Variants in PCDHAC1 observed in about 807,000 individuals in gnomAD.
PCDHAC1 encodes protocadherin alpha-C1.
A neutral mutation model predicts 60.0 loss-of-function variants in PCDHAC1; 42 were observed. The ratio of observed to expected loss-of-function variants is 0.70; its 90% CI spans 0.55 to 0.90. The LOEUF (loss-of-function observed/expected upper bound fraction) is 0.90, where lower values mean the gene tolerates loss of function less well. Ranked by LOEUF, PCDHAC1 falls within the 40% of genes least tolerant of loss-of-function variation. The pLI, the probability that PCDHAC1 is intolerant of heterozygous loss-of-function variation, is 0.00. For missense variants in PCDHAC1, 1,160 were observed against 1,222.3 expected (o/e 0.95, Z 0.76); for synonymous variants, 468 against 499.3 (o/e 0.94, Z 0.84).
At chr5:140,938,427 T>G (rs992312670) in intron 1 of PCDHAC1, among the ~76,000 whole-genome samples, 3 of 152,206 alleles carry the variant, frequency 2.0e-5, no homozygotes, top group African/African-American at 7.2e-5. Flanking sequence ...GCAAAAATCC[T>G]TTATCAGATT....
chr5:140,951,252 A>AT (rs1488592252), intron 1 of PCDHAC1, among the ~76,000 whole-genome samples: 16 of 151,738 alleles, frequency 1.1e-4, no homozygotes, highest in Admixed American at 1.1e-3. Context: ...AATGCATCAC[A>AT]TTTTTCTGGT....
In PCDHAC1 at chr5:140,928,770, C is replaced by A; in HGVS notation, c.1878C>A (p.Pro626=). Residue 626 remains proline, a synonymous_variant, in exon 1 of 4, where the codon CCC becomes CCA. Coordinates refer to ENST00000253807, the MANE Select transcript of PCDHAC1 (RefSeq NM_018898.5). ...GELRTARLVL[P]TDAVKQRVVV... is the part of the protein sequence containing the mutation. The stretch of plus-strand genomic sequence containing the variant: ...TCCGTACTGCTCGCTTAGTTCTTCC[C>A]ACTGATGCAGTTAAGCAGAGGGTGG... 4 of 1,614,106 alleles carry A rather than the reference C, an allele frequency of 2.5e-6. No individual in the cohort carries two copies. Among genetic ancestry groups the A allele is most frequent in the Non-Finnish European group, 2.5e-6 (3 of 1,180,024 alleles).
intron 1 of PCDHAC1, among the ~76,000 whole-genome samples, chr5:140,974,046 GATA>G (rs1554235775): frequency 6.6e-6 from 1 of 152,184 alleles, no homozygotes; most frequent in African/African-American, 2.4e-5. Context: ...TTATTAATAT[GATA>G]ATATTTGGAG....
chr5:140,962,939 C>CA (rs2095722674), intron 1 of PCDHAC1, among the ~76,000 whole-genome samples: 1 of 152,134 alleles, frequency 6.6e-6, no homozygotes, highest in African/African-American at 2.4e-5. Context: ...ACCTCCTCTC[C>CA]ATAAGATATG....
rs782264875 is a variant in PCDHAC1, at chr5:140,928,422, A to T, written c.1530A>T (p.Lys510Asn). ...VESSSGAITA[K>N]TSFDFEQLRG... ...CATCCAGTGGGGCCATCACTGCCAAAACTTCCTTTGACTTTGAGCAGCTCA... is the reference window on the plus strand; with the variant it reads ...CATCCAGTGGGGCCATCACTGCCAATACTTCCTTTGACTTTGAGCAGCTCA... Residue 510 changes from lysine (K) to asparagine (N), a missense_variant, in exon 1 of 4, where the codon AAA becomes AAT. By Grantham distance (94) the Lys-to-Asn change is moderately conservative. Coordinates refer to ENST00000253807, the MANE Select transcript of PCDHAC1 (RefSeq NM_018898.5). 1.2e-6 allele frequency: 2 copies of T among 1,614,136 alleles called. No individual in the cohort carries two copies. Among genetic ancestry groups the T allele is most frequent in the Admixed American group, 3.3e-5 (2 of 60,018 alleles).
chr5:140,998,836 T>C (rs1388208720), intron 3 of PCDHAC1, among the ~76,000 whole-genome samples: 2 of 152,254 alleles, frequency 1.3e-5, no homozygotes, highest in Non-Finnish European at 2.9e-5. Context: ...AGTGCTGGAT[T>C]ACTGGTGTGA....
At chr5:140,952,515 C>G (rs2094758109) in intron 1 of PCDHAC1, among the ~76,000 whole-genome samples, 1 of 152,132 alleles carries the variant, frequency 6.6e-6, no homozygotes, top group Non-Finnish European at 1.5e-5. Context: ...TCATCTCCAT[C>G]TGAGACCTCC....
intron 3 of PCDHAC1, among the ~76,000 whole-genome samples, chr5:141,001,849 T>G (rs889682000): frequency 6.6e-6 from 1 of 151,820 alleles, no homozygotes; most frequent in Non-Finnish European, 1.5e-5. Context: ...GAGAGAGAGG[T>G]TGATTAAATT....
intron 1 of PCDHAC1, among the ~76,000 whole-genome samples, chr5:140,937,175 C>A: frequency 6.6e-6 from 1 of 151,650 alleles, no homozygotes; most frequent in Non-Finnish European, 1.5e-5. Context: ...GTAGCTGGGA[C>A]TACAGGCGCC....
Position 141,011,434 on chromosome 5 carries a change from C to T in PCDHAC1, c.*1497C>T, listed in dbSNP as rs934032017. The T allele has an allele frequency of 6.5e-6, 1 of 153,726 alleles. No homozygotes were observed. Among genetic ancestry groups the T allele is most frequent in the Non-Finnish European group, 1.5e-5 (1 of 68,038 alleles). 9.5% of individuals were successfully genotyped at this position (153,726 alleles called of 1,614,324 possible). ...ATGTGAATGTTAATGCAACTATTAC[C>T]TAGAGTGAACTTTAAGCTTTATTGT... On this transcript the variant is annotated 3_prime_UTR_variant, in exon 4 of 4. Coordinates refer to ENST00000253807, the MANE Select transcript of PCDHAC1 (RefSeq NM_018898.5).
rs782520879 is a variant in PCDHAC1, at chr5:141,009,808, T to A, written c.2763T>A (p.Ile921=). Residue 921 remains isoleucine (I), a synonymous_variant, in exon 4 of 4, where the codon ATT becomes ATA. Transcript: ENST00000253807. ...GGCAGGAGCCTACTAACAGCCAAAT[T>A]GACAAAAGTGACTTCATAACCTTCG... The part of the protein sequence containing the change: ...SIRQEPTNSQ[I]DKSDFITFGK... The A allele has an allele frequency of 1.2e-6, 2 of 1,613,832 alleles. No homozygotes were observed. The highest frequency in any genetic ancestry group is 2.2e-5 in the South Asian group (2 of 91,042).
chr5:140,973,390 AATC>A (rs1554235235), intron 1 of PCDHAC1, among the ~76,000 whole-genome samples: 1 of 152,224 alleles, frequency 6.6e-6, no homozygotes, highest in East Asian at 1.9e-4. Context: ...TAGACAAAGA[AATC>A]ATATCTATGA....
intron 3 of PCDHAC1, 51 bp downstream of exon 3, chr5:140,982,614 G>T (rs1283279622): frequency 6.3e-7 from 1 of 1,596,658 alleles, no homozygotes; most frequent in Non-Finnish European, 8.5e-7. Flanking sequence ...AAAGTGATCA[G>T]ATGACCTACT....
At chr5:140,937,788 T>C (rs2091751340) in intron 1 of PCDHAC1, among the ~76,000 whole-genome samples, 1 of 149,320 alleles carries the variant, frequency 6.7e-6, no homozygotes, top group African/African-American at 2.5e-5. Flanking sequence ...GGCGGGCGTA[T>C]GTAGTCCCAG....
rs1282301090 is a variant in PCDHAC1 at position 140,926,731 on chromosome 5, G to C, written c.-162G>C. 8.1e-6 allele frequency: 9 copies of C among 1,104,780 alleles called. No individual in the cohort carries two copies. Among genetic ancestry groups the C allele is most frequent in the Middle Eastern group, 3.2e-4 (1 of 3,120 alleles). 68.4% of individuals were successfully genotyped at this position (1,104,780 alleles called of 1,614,324 possible). ...GCCAGCCCCGGCAATGCCGGCGTTCGGGAGGCGCAACGTCGGCGGTCGCTG... is the reference window on the plus strand; with the variant it reads ...GCCAGCCCCGGCAATGCCGGCGTTCCGGAGGCGCAACGTCGGCGGTCGCTG... On this transcript the variant is annotated 5_prime_UTR_variant, in exon 1 of 4. Coordinates refer to ENST00000253807, the MANE Select transcript of PCDHAC1 (RefSeq NM_018898.5).
intron 1 of PCDHAC1, among the ~76,000 whole-genome samples, chr5:140,937,624 A>G (rs2091636613): frequency 6.6e-6 from 1 of 150,778 alleles, no homozygotes; most frequent in Non-Finnish European, 1.5e-5. Context: ...CTAAAAAGAA[A>G]AAGAAAGGCA....
intron 3 of PCDHAC1, among the ~76,000 whole-genome samples, chr5:141,004,852 GA>G (rs1474938614): frequency 6.6e-6 from 1 of 152,202 alleles, no homozygotes; most frequent in African/African-American, 2.4e-5. Flanking sequence ...TAGTCTCAGA[GA>G]AAAAATTTGT....
intron 1 of PCDHAC1, among the ~76,000 whole-genome samples, chr5:140,972,018 A>G (rs2096514313): frequency 6.6e-6 from 1 of 152,162 alleles, no homozygotes; most frequent in Non-Finnish European, 1.5e-5. Flanking sequence ...TTTATATGGG[A>G]TATTCAGGCA....
At chr5:140,965,254 T>C (rs2153743153) in intron 1 of PCDHAC1, among the ~76,000 whole-genome samples, 1 of 152,302 alleles carries the variant, frequency 6.6e-6, no homozygotes, top group African/African-American at 2.4e-5. Context: ...TATTCAGAAC[T>C]GAGCAGCAGA....
Sources: allele counts gnomAD v4.1 joint callset (sites outside exome capture counted in the v4.1 genomes callset), GRCh38; gene constraint gnomAD v4.1.1; transcripts MANE v1.5; gene names NCBI Gene and HGNC (gene_info 2026-07-23, HGNC 2026-07-21).